The following TTLL1 variants were observed in gnomAD, a reference collection of about 807,000 sequenced individuals.
The protein encoded by TTLL1 is TTL family tubulin polyglutamylase complex subunit L1, also known as polyglutamylase complex subunit TTLL1.
In TTLL1, 33 loss-of-function variants were observed where a neutral mutation model predicts 47.8. That is an observed-to-expected ratio of 0.69 (90% CI 0.52 to 0.92). The LOEUF (loss-of-function observed/expected upper bound fraction) is 0.92, where lower values mean the gene tolerates loss of function less well. Ranked by LOEUF, TTLL1 falls within the 40% of genes least tolerant of loss-of-function variation. The probability of loss-of-function intolerance (pLI) is 0.00; values close to 1 mark genes in which losing one functional copy is unlikely to be tolerated. For missense variants in TTLL1, 488 were observed against 547.5 expected (o/e 0.89, Z 1.08); for synonymous variants, 225 against 214.1 (o/e 1.05, Z -0.45).
chr22:43,085,992 A>G (rs1437596866), intron 1 of TTLL1, among the ~76,000 whole-genome samples: 2 of 152,196 alleles, frequency 1.3e-5, no homozygotes, highest in Non-Finnish European at 2.9e-5. Context: ...TCGTGTGTAG[A>G]CAAGTGATCC....
chr22:43,047,204 C>T (rs1287977550), intron 9 of TTLL1, among the ~76,000 whole-genome samples: 3 of 152,184 alleles, frequency 2.0e-5, no homozygotes, highest in African/African-American at 7.2e-5. Flanking sequence ...AAGAGCCCCA[C>T]AAGGGTTTGT....
chr22:43,083,597 G>A (rs1929039792), intron 1 of TTLL1, among the ~76,000 whole-genome samples: 2 of 152,058 alleles, frequency 1.3e-5, no homozygotes, highest in African/African-American at 4.8e-5. Context: ...GTGTGGTGGC[G>A]CTTGCCTGTA....
chr22:43,042,159 G>A (rs1019248192), intron 10 of TTLL1, among the ~76,000 whole-genome samples: 1 of 152,204 alleles, frequency 6.6e-6, no homozygotes, highest in Non-Finnish European at 1.5e-5. Context: ...TCTGGTTCGT[G>A]GCTGCCCCCA....
Position 43,046,335 on chromosome 22 carries a change from G to A in TTLL1, c.1142+75C>T, listed in dbSNP as rs2146959571. 1.9e-6 allele frequency: 3 copies of A among 1,561,850 alleles called. No individual in the cohort carries two copies. The East Asian group carries it at 6.8e-5, about 35-fold the overall frequency. ...AATAAGGAGAATCCACATATGCCCA[G>A]AAATCCAAGCTGGGCTATGGCACAC... On this transcript the variant is annotated intron_variant, in intron 10 of 10. Transcript: ENST00000266254.
At position 43,039,834 on chromosome 22, in the gene TTLL1, C is replaced by G; in HGVS notation, c.1214G>C (p.Gly405Ala). ...ELRSRQGQSL[G>A]PRAGRSRDSG... ...GTCTCTCGATCGGCCTGCTCTGGGC[C>G]CCAGAGACTGACCCTGACGGCTTCT... is the stretch of plus-strand genomic sequence containing the variant. Residue 405 changes from glycine (G) to alanine (A), a missense_variant, in exon 11 of 11, where the codon GGG becomes GCG. Physicochemically the swap from Gly to Ala is moderately conservative, Grantham distance 60. Coordinates refer to ENST00000266254, the MANE Select transcript of TTLL1 (RefSeq NM_012263.5). 6.2e-7 allele frequency: 1 copy of G among 1,614,034 alleles called. No homozygotes were observed. Among genetic ancestry groups the G allele is most frequent in the African/African-American group, 1.3e-5 (1 of 75,040 alleles).
At chr22:43,046,707 T>C in intron 9 of TTLL1, 134 bp from the exon 10 acceptor site, 1 of 1,057,546 alleles carries the variant, frequency 9.5e-7, no homozygotes, top group Non-Finnish European at 1.3e-6. Context: ...TTCGCTCTTG[T>C]TGCCCAGGCT....
chr22:43,052,199 C>T (rs1926687872), intron 8 of TTLL1: 1 of 386,510 alleles, frequency 2.6e-6, no homozygotes, highest in Non-Finnish European at 5.0e-6. Flanking sequence ...GAACGGATGT[C>T]CAGCTCCAAG....
chr22:43,065,448 C>A (rs902006400), intron 5 of TTLL1, among the ~76,000 whole-genome samples: 1 of 151,948 alleles, frequency 6.6e-6, no homozygotes, highest in African/African-American at 2.4e-5. Flanking sequence ...AGCCACCATG[C>A]CTGGCTAATT....
In TTLL1 at chr22:43,050,786, G is replaced by C. The variant is rs572141348; in HGVS notation, c.978+1015C>G. On this transcript the variant is annotated intron_variant, in intron 9 of 10. Coordinates refer to ENST00000266254, the MANE Select transcript of TTLL1 (RefSeq NM_012263.5). ...GATCCACCCGCCTTGGCTTTCCAAA[G>C]TGCTGGGATTACAGGAGTGAGCCAC... Among the ~76,000 whole-genome samples the C allele has an allele frequency of 2.6e-5, 4 of 152,306 alleles. No homozygotes were observed. The East Asian group carries it at 5.8e-4, about 22-fold the overall frequency.
chr22:43,069,471 C>A, intron 4 of TTLL1, 165 bp downstream of exon 4: 1 of 1,268,066 alleles, frequency 7.9e-7, no homozygotes, highest in East Asian at 2.4e-5. Flanking sequence ...TCAGGCCCCT[C>A]CTTCTCCCTC....
rs1022018649 is a variant in TTLL1 at position 43,068,279 on chromosome 22, T to C, written c.503+131A>G. 16 of 753,582 alleles carry C rather than the reference T, an allele frequency of 2.1e-5. No homozygotes were observed. In the African/African-American group the frequency reaches 2.3e-4, roughly 11 times the overall value. The allele number at this position is 753,582 out of a possible 1,614,324, so 46.7% of individuals were successfully genotyped here. The stretch of plus-strand genomic sequence containing the variant: ...TTGCAGTGAGCTGAGATTGTGCCAC[T>C]GTAATCCTGCCTGGGCGACAGAGTG... On this transcript the variant is annotated intron_variant, in intron 5 of 10. Transcript: ENST00000266254.
At chr22:43,048,748 C>G (rs976803549) in intron 9 of TTLL1, among the ~76,000 whole-genome samples, 2 of 151,788 alleles carry the variant, frequency 1.3e-5, no homozygotes, top group African/African-American at 4.8e-5. Context: ...ACCAGCCTGA[C>G]CAACATGGTA....
chr22:43,048,145 G>A (rs928854941), intron 9 of TTLL1, among the ~76,000 whole-genome samples: 4 of 151,800 alleles, frequency 2.6e-5, no homozygotes, highest in African/African-American at 7.3e-5. Context: ...GTGAAACCCT[G>A]TCTCTACTAA....
intron 3 of TTLL1, among the ~76,000 whole-genome samples, chr22:43,073,896 A>T (rs898841549): frequency 2.6e-5 from 4 of 151,012 alleles, no homozygotes; most frequent in Non-Finnish European, 4.4e-5. Context: ...ATCTCAGCTC[A>T]CTGCAACCTC....
intron 2 of TTLL1, among the ~76,000 whole-genome samples, chr22:43,079,686 C>T (rs980120152): frequency 7.2e-5 from 11 of 152,160 alleles, no homozygotes; most frequent in South Asian, 2.1e-4. Context: ...AGGCTGTGCG[C>T]GATTCTCACA....
At chr22:43,072,527 A>G (rs887935666) in intron 3 of TTLL1, among the ~76,000 whole-genome samples, 8 of 152,136 alleles carry the variant, frequency 5.3e-5, no homozygotes, top group Non-Finnish European at 1.0e-4. Flanking sequence ...GCTGGAGTGC[A>G]GTAGCACAAT....
intron 10 of TTLL1, chr22:43,040,321 G>C (rs1195814039): frequency 1.1e-5 from 2 of 175,164 alleles, no homozygotes; most frequent in African/African-American, 4.8e-5. Flanking sequence ...CCTGCAGGCT[G>C]GGGGGACTAA....
chr22:43,062,542 A>G (rs541815076), intron 7 of TTLL1, among the ~76,000 whole-genome samples: 25 of 151,820 alleles, frequency 1.6e-4, no homozygotes, highest in African/African-American at 5.8e-4. Context: ...AAACTGCATT[A>G]TTTAACGCCA....
intron 1 of TTLL1, among the ~76,000 whole-genome samples, chr22:43,087,894 TC>T (rs1929339089): frequency 6.9e-6 from 1 of 144,192 alleles, no homozygotes; most frequent in Non-Finnish European, 1.5e-5. Flanking sequence ...ACGCTTGTAA[TC>T]CCAGCACTTT....
Sources: gnomAD v4.1 joint callset for allele counts (sites outside exome capture counted in the v4.1 genomes callset) on GRCh38, gnomAD v4.1.1 for gene constraint, MANE v1.5 for transcripts, NCBI Gene and HGNC (gene_info 2026-07-23, HGNC 2026-07-21) for gene names.